The following SLITRK1 variants were observed in gnomAD, a reference collection of about 807,000 sequenced individuals.
SLITRK1 encodes SLIT and NTRK-like protein 1.
SLITRK1 carries 10 observed loss-of-function variants against 42.4 expected under a neutral mutation model. That is an observed-to-expected ratio of 0.24 (90% confidence interval 0.15 to 0.40). The LOEUF is 0.40. SLITRK1 is among the 10% of genes least tolerant of loss of function. The probability of loss-of-function intolerance (pLI) is 1.00; values close to 1 mark genes in which losing one functional copy is unlikely to be tolerated. For missense variants in SLITRK1, 778 were observed against 848.8 expected (o/e 0.92, Z 1.04); for synonymous variants, 389 against 365.7 (o/e 1.06, Z -0.73).
At position 83,880,377 on chromosome 13, in the gene SLITRK1, C is replaced by T; in HGVS notation, c.1131G>A (p.Val377=). 4 of 1,613,854 alleles carry T rather than the reference C, an allele frequency of 2.5e-6. No homozygotes were observed. Among genetic ancestry groups the T allele is most frequent in the Non-Finnish European group, 3.4e-6 (4 of 1,180,020 alleles). The change falls in exon 2 of 2, where the codon GTG becomes GTA. Residue 377 remains valine, a synonymous_variant. Coordinates refer to ENST00000674365, the MANE Select transcript of SLITRK1 (RefSeq NM_001281503.2). The stretch of plus-strand genomic sequence containing the variant: ...TGTTATCTCGTAGGAAAAGCTCCTG[C>T]ACGTTAGAGAGCTTGGGCTTCAAAT... ...LADLKPKLSN[V]QELFLRDNKI...
At position 83,879,906 on chromosome 13, in the gene SLITRK1, G is replaced by C. The variant is rs1312627826; in HGVS notation, c.1602C>G (p.Ser534=). 2 of 1,614,138 alleles carry C rather than the reference G, an allele frequency of 1.2e-6. No individual in the cohort carries two copies. The highest frequency in any genetic ancestry group is 1.7e-6 in the Non-Finnish European group (2 of 1,180,036). Residue 534 remains serine (S), a synonymous_variant, in exon 2 of 2, where the codon TCC becomes TCG. Coordinates refer to ENST00000674365, the MANE Select transcript of SLITRK1 (RefSeq NM_001281503.2). The stretch of plus-strand genomic sequence containing the variant: ...ACTGCTTGAAAGGCACAATTGTGCA[G>C]GAGCACTCCCAGGGGTTTCCGTGGA... ...IDLHGNPWEC[S]CTIVPFKQWA... is the part of the protein sequence containing the mutation.
rs1157642253 is a variant in SLITRK1, at chr13:83,879,630, C to T, written c.1878G>A (p.Leu626=). 1 of 1,613,858 alleles carries T rather than the reference C, an allele frequency of 6.2e-7. No individual in the cohort carries two copies. Among genetic ancestry groups the T allele is most frequent in the Non-Finnish European group, 8.5e-7 (1 of 1,180,008 alleles). ...SISVLVPGLL[L]VFVTSAFTVV... Reference sequence around the variant, plus strand: ...CGGTGAAGGCGGAGGTGACAAACACCAGCAGCAGTCCCGGGACCAACACCG... The same window carrying T: ...CGGTGAAGGCGGAGGTGACAAACACTAGCAGCAGTCCCGGGACCAACACCG... Residue 626 remains leucine, a synonymous_variant, in exon 2 of 2, where the codon CTG becomes CTA. Transcript: ENST00000674365.
chr13:83,880,513 T>A lies in SLITRK1; in HGVS notation c.995A>T (p.Asn332Ile). ...TAAIATGSSR[N>I]KPLANSLPCP... The stretch of plus-strand genomic sequence containing the variant: ...GGGTAAACTGTTAGCTAAGGGTTTG[T>A]TCCTGGAGCTACCCGTCGCTATCGC... Residue 332 changes from asparagine (N) to isoleucine (I), a missense_variant, in exon 2 of 2, where the codon AAC becomes ATC. Coordinates refer to ENST00000674365, the MANE Select transcript of SLITRK1 (RefSeq NM_001281503.2). The A allele has an allele frequency of 6.2e-7, 1 of 1,614,106 alleles. No individual in the cohort carries two copies. The highest frequency in any genetic ancestry group is 8.5e-7 in the Non-Finnish European group (1 of 1,180,022).
In SLITRK1 at chr13:83,880,673, C is replaced by G; in HGVS notation, c.835G>C (p.Glu279Gln). The change falls in exon 2 of 2, where the codon GAG (glutamate) becomes CAG (glutamine). Residue 279 changes from glutamate to glutamine, a missense_variant. Physicochemically the swap from Glu to Gln is conservative, Grantham distance 29 (BLOSUM62 2). Coordinates refer to ENST00000674365, the MANE Select transcript of SLITRK1 (RefSeq NM_001281503.2). ...SSLPAPPAQEETFAPGPLPTP... is the reference protein window; with the variant it reads ...SSLPAPPAQEQTFAPGPLPTP... Reference sequence around the variant, plus strand: ...GGCAGGGGTCCAGGAGCAAAGGTCTCTTCTTGGGCAGGGGGCGCCGGGAGA... The same window carrying G: ...GGCAGGGGTCCAGGAGCAAAGGTCTGTTCTTGGGCAGGGGGCGCCGGGAGA... 2 of 1,614,106 alleles carry G rather than the reference C, an allele frequency of 1.2e-6. No homozygotes were observed. The highest frequency in any genetic ancestry group is 1.6e-4 in the Middle Eastern group (1 of 6,062).
chr13:83,879,717 A>G lies in SLITRK1; in HGVS notation c.1791T>C (p.Thr597=). 1 of 1,613,954 alleles carries G rather than the reference A, an allele frequency of 6.2e-7. No individual in the cohort carries two copies. ...AGTGCGTCCCGGTCTCCGCCAACCC[A>G]GTGCTGTTTTTACTGTGCGAAGTTA... ...PTLTSHSKNS[T]GLAETGTHSN... The change falls in exon 2 of 2, where the codon ACT becomes ACC. Residue 597 remains threonine, a synonymous_variant. Coordinates refer to ENST00000674365, the MANE Select transcript of SLITRK1 (RefSeq NM_001281503.2).
chr13:83,879,324 G>C lies in SLITRK1; in HGVS notation c.*93C>G. 6.6e-7 allele frequency: 1 copy of C among 1,516,320 alleles called. No individual in the cohort carries two copies. Among genetic ancestry groups the C allele is most frequent in the Non-Finnish European group, 9.0e-7 (1 of 1,110,328 alleles). The allele number at this position is 1,516,320 out of a possible 1,614,324, so 93.9% of individuals were successfully genotyped here. A position where few individuals can be genotyped will look rare whatever the true frequency, so the allele number is the denominator to read the frequency against. ...TGCCCATCCAGGCTGATGGCGCGGG[G>C]ATTTGGGTACACGCCCCTCCAGCCC... On this transcript the variant is annotated 3_prime_UTR_variant, in exon 2 of 2. Coordinates refer to ENST00000674365, the MANE Select transcript of SLITRK1 (RefSeq NM_001281503.2).
rs541857087 is a variant in SLITRK1, at chr13:83,877,832, A to T, written c.*1585T>A. 6.6e-6 allele frequency: 1 copy of T among 152,448 alleles called. No homozygotes were observed. Among genetic ancestry groups the T allele is most frequent in the East Asian group, 1.9e-4 (1 of 5,180 alleles). The allele number at this position is 152,448 out of a possible 1,614,324, so 9.4% of individuals were successfully genotyped here. A position where few individuals can be genotyped will look rare whatever the true frequency, so the allele number is the denominator to read the frequency against. On this transcript the variant is annotated 3_prime_UTR_variant, in exon 2 of 2. Transcript: ENST00000674365. The stretch of plus-strand genomic sequence containing the variant: ...TGAAATCTCCACTCTGTTTAATGAG[A>T]CCTATCTAGGCAGAGTCAATTAAAT...
chr13:83,880,247 T>A lies in SLITRK1; in HGVS notation c.1261A>T (p.Asn421Tyr). 2 of 1,614,058 alleles carry A rather than the reference T, an allele frequency of 1.2e-6. No individual in the cohort carries two copies. The highest frequency in any genetic ancestry group is 2.2e-5 in the South Asian group (2 of 91,074). The change falls in exon 2 of 2, where the codon AAC becomes TAC. Residue 421 changes from asparagine (N) to tyrosine (Y), a missense_variant. By Grantham distance (143) the Asn-to-Tyr change is moderately radical. This residue lies in a region of SLITRK1 where 395 missense variants were observed against 360.4 expected (regional missense o/e 1.10). Transcript: ENST00000674365. ...IATVENNTFK[N>Y]LLDLRWLYMD... ...TATAGCCACCTGAGGTCCAAAAGGT[T>A]CTTGAAAGTGTTGTTCTCTACAGTA... is the stretch of plus-strand genomic sequence containing the variant.
chr13:83,879,294 A>T lies in SLITRK1; in HGVS notation c.*123T>A. The T allele has an allele frequency of 8.3e-7, 1 of 1,199,066 alleles. No individual in the cohort carries two copies. Among genetic ancestry groups the T allele is most frequent in the Non-Finnish European group, 1.2e-6 (1 of 837,612 alleles). 74.3% of individuals were successfully genotyped at this position (1,199,066 alleles called of 1,614,324 possible). On this transcript the variant is annotated 3_prime_UTR_variant, in exon 2 of 2. Coordinates refer to ENST00000674365, the MANE Select transcript of SLITRK1 (RefSeq NM_001281503.2). ...TGTGCGAGCTCACAGTTATTTATCT[A>T]CTTATGCCCATCCAGGCTGATGGCG... is the stretch of plus-strand genomic sequence containing the variant.
Position 83,881,540 on chromosome 13 carries a change from C to A in SLITRK1, c.-33G>T. 6.4e-7 allele frequency: 1 copy of A among 1,559,188 alleles called. No individual in the cohort carries two copies. The highest frequency in any genetic ancestry group is 8.7e-7 in the Non-Finnish European group (1 of 1,144,944). On this transcript the variant is annotated 5_prime_UTR_variant, in exon 2 of 2. The change abolishes the stop of an existing upstream ORF in the 5' untranslated region. Coordinates refer to ENST00000674365, the MANE Select transcript of SLITRK1 (RefSeq NM_001281503.2). Reference sequence around the variant, plus strand: ...GCGAGCAATTCATCCCCGATCTCATCACAAAGTAACAGCGACCATCCTGCT... The same window carrying A: ...GCGAGCAATTCATCCCCGATCTCATAACAAAGTAACAGCGACCATCCTGCT...
At position 83,882,236 on chromosome 13, in the gene SLITRK1, C is replaced by A. The variant is rs774658734; in HGVS notation, c.-286G>T. The A allele has an allele frequency of 6.0e-6, 1 of 166,818 alleles. No individual in the cohort carries two copies. Among genetic ancestry groups the A allele is most frequent in the Non-Finnish European group, 1.5e-5 (1 of 68,094 alleles). 10.3% of individuals were successfully genotyped at this position (166,818 alleles called of 1,614,324 possible). A position where few individuals can be genotyped will look rare whatever the true frequency, so the allele number is the denominator to read the frequency against. The stretch of plus-strand genomic sequence containing the variant: ...TCCATCCTTTTCCTTTCCTCCCCTT[C>A]GGTCCTCTTAAGGCTTTTTTTTTTC... On this transcript the variant is annotated 5_prime_UTR_variant, in exon 1 of 2. Transcript: ENST00000674365.
Position 83,880,848 on chromosome 13 carries a change from C to A in SLITRK1, c.660G>T (p.Leu220=), listed in dbSNP as rs956887343. ...TTTCCAGCCATTCTTTCAGGGAGAGCAGATCACAGGTGCAGTCCCAAGGGT... is the reference window on the plus strand; with the variant it reads ...TTTCCAGCCATTCTTTCAGGGAGAGAAGATCACAGGTGCAGTCCCAAGGGT... The part of the protein sequence containing the change: ...EDNPWDCTCD[L]LSLKEWLENI... Residue 220 remains leucine, a synonymous_variant, in exon 2 of 2, where the codon CTG becomes CTT. Transcript: ENST00000674365. 2 of 1,614,118 alleles carry A rather than the reference C, an allele frequency of 1.2e-6. No individual in the cohort carries two copies. The highest frequency in any genetic ancestry group is 1.1e-5 in the South Asian group (1 of 91,066).
In SLITRK1 at chr13:83,879,064, A is replaced by C; in HGVS notation, c.*353T>G. The C allele has an allele frequency of 5.7e-6, 2 of 349,022 alleles. No homozygotes were observed. The highest frequency in any genetic ancestry group is 1.1e-5 in the Non-Finnish European group (2 of 179,244). The allele number at this position is 349,022 out of a possible 1,614,324, so 21.6% of individuals were successfully genotyped here. A position where few individuals can be genotyped will look rare whatever the true frequency, so the allele number is the denominator to read the frequency against. On this transcript the variant is annotated 3_prime_UTR_variant, in exon 2 of 2. Transcript: ENST00000674365. ...TCTCTATATAGATGTGGATATATGT[A>C]TATATGTATAGAACCGCGGCATCCA... is the stretch of plus-strand genomic sequence containing the variant.
In SLITRK1 at chr13:83,878,628, A is replaced by G. The variant is rs1416285494; in HGVS notation, c.*789T>C. ...CTAAAAACTTCCCTCAACAAAATAC[A>G]TTGTTAACTCATAAAATGGACTGAT... On this transcript the variant is annotated 3_prime_UTR_variant, in exon 2 of 2. Transcript: ENST00000674365. The G allele has an allele frequency of 6.6e-6, 1 of 152,670 alleles. No individual in the cohort carries two copies. Among genetic ancestry groups the G allele is most frequent in the Non-Finnish European group, 1.5e-5 (1 of 68,056 alleles). The allele number at this position is 152,670 out of a possible 1,614,324, so 9.5% of individuals were successfully genotyped here.
rs1361171132 is a variant in SLITRK1, at chr13:83,878,649, CT to C, written c.*767del. On this transcript the variant is annotated 3_prime_UTR_variant, in exon 2 of 2. Transcript: ENST00000674365. ...ATACATTGTTAACTCATAAAATGGA[CT>C]GATGACTAGCCATGCAAATGTCCTA... 1.3e-5 allele frequency: 2 copies of C among 152,648 alleles called. No homozygotes were observed. The highest frequency in any genetic ancestry group is 2.9e-5 in the Non-Finnish European group (2 of 68,042). 9.5% of individuals were successfully genotyped at this position (152,648 alleles called of 1,614,324 possible).
In SLITRK1 at chr13:83,877,210, G is replaced by T. The variant is rs1884707636; in HGVS notation, c.*2207C>A. On this transcript the variant is annotated 3_prime_UTR_variant, in exon 2 of 2. Coordinates refer to ENST00000674365, the MANE Select transcript of SLITRK1 (RefSeq NM_001281503.2). ...ATGAATGGCCTTAGGAATAGTCATG[G>T]TTTATAATAAAGATTTTATTAAAAA... The T allele has an allele frequency of 6.6e-6, 1 of 152,118 alleles. No individual in the cohort carries two copies. The highest frequency in any genetic ancestry group is 6.6e-5 in the Admixed American group (1 of 15,256). 9.4% of individuals were successfully genotyped at this position (152,118 alleles called of 1,614,324 possible).
Position 83,879,836 on chromosome 13 carries a change from A to T in SLITRK1, c.1672T>A (p.Cys558Ser). The T allele has an allele frequency of 6.2e-7, 1 of 1,614,130 alleles. No homozygotes were observed. The highest frequency in any genetic ancestry group is 8.5e-7 in the Non-Finnish European group (1 of 1,180,028). Residue 558 changes from cysteine to serine, a missense_variant, in exon 2 of 2, where the codon TGT (cysteine) becomes AGT (serine). By Grantham distance (112) the Cys-to-Ser change is moderately radical (BLOSUM62 -1). This residue lies in a region of SLITRK1 where 15 missense variants were observed against 35.0 expected (regional missense o/e 0.43). Transcript: ENST00000674365. ...CTAAAGAAGTTCACCGGCGTCTCAC[A>T]CTTGAGGTCGCTCATCAGCACTTCG... is the stretch of plus-strand genomic sequence containing the variant. Reference protein sequence around the residue: ...GSEVLMSDLKCETPVNFFRKD... With the variant: ...GSEVLMSDLKSETPVNFFRKD...
At position 83,881,156 on chromosome 13, in the gene SLITRK1, T is replaced by C. The variant is rs766063725; in HGVS notation, c.352A>G (p.Ile118Val). ...AAAGTCTGCTTTCGAAAAGACTTGA[T>C]CTTGTTGTTGTTGATGTGCAGCCTT... ...VKRLHINNNK[I>V]KSFRKQTFLG... is the part of the protein sequence containing the mutation. Residue 118 changes from isoleucine (I) to valine (V), a missense_variant, in exon 2 of 2, where the codon ATC (isoleucine) becomes GTC (valine). Transcript: ENST00000674365. 1 of 1,614,028 alleles carries C rather than the reference T, an allele frequency of 6.2e-7. No homozygotes were observed. The highest frequency in any genetic ancestry group is 1.1e-5 in the South Asian group (1 of 91,066).
At position 83,879,680 on chromosome 13, in the gene SLITRK1, G is replaced by C; in HGVS notation, c.1828C>G (p.Leu610Val). The change falls in exon 2 of 2, where the codon CTA becomes GTA. Residue 610 changes from leucine to valine, a missense_variant. Transcript: ENST00000674365. Reference protein sequence around the residue: ...AETGTHSNSYLDTSRVSISVL... With the variant: ...AETGTHSNSYVDTSRVSISVL... ...GAGATGGACACCCTGCTGGTGTCTA[G>C]GTAGGAGTTGGAGTGCGTCCCGGTC... The C allele has an allele frequency of 1.9e-6, 3 of 1,613,924 alleles. No homozygotes were observed. Among genetic ancestry groups the C allele is most frequent in the Non-Finnish European group, 2.5e-6 (3 of 1,179,992 alleles).
Sources: gnomAD v4.1 joint callset for allele counts on GRCh38, gnomAD v4.1.1 for gene constraint, gnomAD v4.1.1 regional missense constraint, MANE v1.5 for transcripts, NCBI Gene and HGNC (gene_info 2026-07-23, HGNC 2026-07-21) for gene names.